The following KIZ variants were observed in gnomAD, a reference collection of about 807,000 sequenced individuals.
KIZ encodes the protein centrosomal protein kizuna.
KIZ carries 68 observed loss-of-function variants against 79.6 expected under a neutral mutation model. That is an observed-to-expected ratio of 0.85 (90% CI 0.70 to 1.05). The LOEUF (loss-of-function observed/expected upper bound fraction) is 1.05. Ranked by LOEUF, KIZ falls within the 50% of genes least tolerant of loss-of-function variation. KIZ has a pLI of 0.00. For synonymous variants in KIZ, 280 were observed against 281.8 expected, an observed-to-expected ratio of 0.99 and a Z score of 0.06; for missense variants, 797 against 800.4, an observed-to-expected ratio of 1.00 and a Z score of 0.05.
In KIZ at chr20:21,246,617, C is replaced by T. The variant is rs754788899; in HGVS notation, c.*41C>T. The T allele has an allele frequency of 4.3e-6, 5 of 1,166,414 alleles. No individual in the cohort carries two copies. Among genetic ancestry groups the T allele is most frequent in the Non-Finnish European group, 6.3e-6 (5 of 791,208 alleles). The allele number at this position is 1,166,414 out of a possible 1,614,324, so 72.3% of individuals were successfully genotyped here. On this transcript the variant is annotated 3_prime_UTR_variant, in exon 13 of 13. Coordinates refer to ENST00000619189, the MANE Select transcript of KIZ (RefSeq NM_018474.6). The stretch of plus-strand genomic sequence containing the variant: ...GTTTCAAATAAAGTCTTTAAACAAA[C>T]TAAAATCCTGTGTTAATATGTGATG...
intron 9 of KIZ, among the ~76,000 whole-genome samples, chr20:21,217,716 C>A (rs2036350959): frequency 6.6e-6 from 1 of 152,106 alleles, no homozygotes; most frequent in African/African-American, 2.4e-5. Context: ...TAAATGAAAT[C>A]ATTTGTGAAA....
At chr20:21,212,697 C>T (rs545331563) in intron 7 of KIZ, among the ~76,000 whole-genome samples, 2 of 152,202 alleles carry the variant, frequency 1.3e-5, no homozygotes, top group South Asian at 2.1e-4. Flanking sequence ...TTTACCTCAC[C>T]GTGGAAAAGA....
intron 6 of KIZ, among the ~76,000 whole-genome samples, chr20:21,173,777 G>A (rs139659900): frequency 7.4e-4 from 113 of 152,198 alleles, no homozygotes; most frequent in Non-Finnish European, 2.6e-4. Flanking sequence ...GATTTGAGAT[G>A]CCTTTTTGAC....
chr20:21,152,202 A>T (rs971867313), intron 4 of KIZ, among the ~76,000 whole-genome samples: 2 of 152,148 alleles, frequency 1.3e-5, no homozygotes, highest in African/African-American at 4.8e-5. Flanking sequence ...TGGAGGGGAG[A>T]GGGAGGCAAT....
At chr20:21,208,590 C>A (rs2035937762) in intron 7 of KIZ, among the ~76,000 whole-genome samples, 1 of 151,918 alleles carries the variant, frequency 6.6e-6, no homozygotes, top group African/African-American at 2.4e-5. Flanking sequence ...GTAGTCCCAG[C>A]TACTTAGGAG....
intron 11 of KIZ, among the ~76,000 whole-genome samples, chr20:21,238,146 C>T (rs367905116): frequency 1.3e-5 from 2 of 152,112 alleles, no homozygotes; most frequent in Admixed American, 1.3e-4. Context: ...TCTTAATCAC[C>T]AGTGCTGGAT....
intron 6 of KIZ, chr20:21,196,762 G>A (rs768804564): frequency 2.0e-5 from 3 of 152,234 alleles, no homozygotes; most frequent in African/African-American, 4.8e-5. Context: ...AGCACCAACA[G>A]TGTGGATAAG....
chr20:21,127,466 C>T (rs2031555301), intron 1 of KIZ, among the ~76,000 whole-genome samples: 1 of 152,118 alleles, frequency 6.6e-6, no homozygotes, highest in African/African-American at 2.4e-5. Flanking sequence ...GTCCTTATGG[C>T]ACAATAACTG....
At chr20:21,180,199 A>T (rs1369786233) in intron 6 of KIZ, among the ~76,000 whole-genome samples, 1 of 148,990 alleles carries the variant, frequency 6.7e-6, no homozygotes, top group Non-Finnish European at 1.5e-5. Context: ...CTCATTTTCA[A>T]ACTCAAAAAT....
At chr20:21,153,081 T>G (rs1225905854) in intron 4 of KIZ, among the ~76,000 whole-genome samples, 1 of 152,216 alleles carries the variant, frequency 6.6e-6, no homozygotes, top group Non-Finnish European at 1.5e-5. Flanking sequence ...TCTGTGAACA[T>G]GGACAAGTTG....
intron 10 of KIZ, among the ~76,000 whole-genome samples, chr20:21,229,335 C>T (rs1283636246): frequency 6.6e-6 from 1 of 152,246 alleles, no homozygotes; most frequent in Admixed American, 6.5e-5. Flanking sequence ...TGGCAATGGC[C>T]CTTCCAGGCC....
chr20:21,177,942 C>G (rs1197415335), intron 6 of KIZ, among the ~76,000 whole-genome samples: 1 of 152,032 alleles, frequency 6.6e-6, no homozygotes, highest in African/African-American at 2.4e-5. Flanking sequence ...GTCTATATGT[C>G]TGTCTTTATG....
intron 6 of KIZ, among the ~76,000 whole-genome samples, chr20:21,178,705 A>C (rs1047270187): frequency 2.0e-5 from 3 of 152,096 alleles, no homozygotes; most frequent in African/African-American, 7.2e-5. Context: ...TTAGCTGTGA[A>C]CTTTATATAT....
At chr20:21,133,861 T>C (rs1322027545) in intron 2 of KIZ, among the ~76,000 whole-genome samples, 1 of 152,186 alleles carries the variant, frequency 6.6e-6, no homozygotes, top group African/African-American at 2.4e-5. Context: ...AGGAGCAGTG[T>C]AGACTACCCT....
chr20:21,222,730 T>C (rs571556511), intron 9 of KIZ, among the ~76,000 whole-genome samples: 18 of 152,310 alleles, frequency 1.2e-4, no homozygotes, highest in African/African-American at 4.1e-4. Context: ...TGCCTCTGTC[T>C]TCACTTGGCC....
At chr20:21,154,210 G>T (rs368339796) in intron 4 of KIZ, 20 of 152,152 alleles carry the variant, frequency 1.3e-4, no homozygotes, top group East Asian at 5.8e-4. Context: ...AAGATAATAA[G>T]AAGAAGAAAA....
At chr20:21,187,864 T>G (rs552270570) in intron 6 of KIZ, among the ~76,000 whole-genome samples, 18 of 152,342 alleles carry the variant, frequency 1.2e-4, no homozygotes, top group African/African-American at 3.8e-4. Flanking sequence ...TTAAAACTTT[T>G]TGAAAATACA....
At chr20:21,232,390 C>T (rs187063396) in intron 10 of KIZ, among the ~76,000 whole-genome samples, 13 of 152,222 alleles carry the variant, frequency 8.5e-5, no homozygotes, top group African/African-American at 2.2e-4. Flanking sequence ...GTTTGCTGCC[C>T]GTGTGTTATA....
At chr20:21,225,327 C>T (rs375364138) in intron 9 of KIZ, among the ~76,000 whole-genome samples, 5 of 152,264 alleles carry the variant, frequency 3.3e-5, no homozygotes, top group Admixed American at 3.3e-4. Flanking sequence ...ACATTCCAAC[C>T]GAAAATGATT....
Sources: gnomAD v4.1 joint callset for allele counts (sites outside exome capture counted in the v4.1 genomes callset) on GRCh38, gnomAD v4.1.1 for gene constraint, MANE v1.5 for transcripts, NCBI Gene and HGNC (gene_info 2026-07-23, HGNC 2026-07-21) for gene names.